The following ITGA10 variants were observed in gnomAD, a reference collection of about 807,000 sequenced individuals.
ITGA10 encodes integrin alpha-10.
ITGA10 carries 105 observed loss-of-function variants against 145.2 expected under a neutral mutation model. The ratio of observed to expected loss-of-function variants is 0.72; its 90% confidence interval spans 0.62 to 0.85. The LOEUF (loss-of-function observed/expected upper bound fraction) is 0.85, where lower values mean the gene tolerates loss of function less well. Ranked by LOEUF, ITGA10 falls within the 40% of genes least tolerant of loss-of-function variation. ITGA10 has a pLI of 0.00. For synonymous variants in ITGA10, 506 were observed against 557.8 expected, an observed-to-expected ratio of 0.91 and a Z score of 1.31; for missense variants, 1,317 against 1,444.5, an observed-to-expected ratio of 0.91 and a Z score of 1.43.
chr1:145,904,557 T>TA, intron 6 of ITGA10, 127 bp downstream of exon 6: 1 of 996,774 alleles, frequency 1.0e-6, no homozygotes, highest in East Asian at 2.4e-5. Context: ...TTCATATTTT[T>TA]AGAGATGAGG....
chr1:145,892,231 T>A lies in ITGA10; in HGVS notation c.*567A>T, dbSNP rs1326016200. On this transcript the variant is annotated 3_prime_UTR_variant, in exon 30 of 30. Coordinates refer to ENST00000369304, the MANE Select transcript of ITGA10 (RefSeq NM_003637.5). The stretch of plus-strand genomic sequence containing the variant: ...GTTCCTTGGAATTGTACAGAATGTC[T>A]CTTGTGGCTTTTCCTCCTCCCTCCT... The A allele has an allele frequency of 6.5e-6, 1 of 153,394 alleles. No individual in the cohort carries two copies. The highest frequency in any genetic ancestry group is 6.5e-5 in the Admixed American group (1 of 15,344). 9.5% of individuals were successfully genotyped at this position (153,394 alleles called of 1,614,324 possible). A position where few individuals can be genotyped will look rare whatever the true frequency, so the allele number is the denominator to read the frequency against.
At chr1:145,897,748 C>T in intron 19 of ITGA10, 67 bp downstream of exon 19, 1 of 1,610,572 alleles carries the variant, frequency 6.2e-7, no homozygotes, top group South Asian at 1.1e-5. Flanking sequence ...AACCCCCTAC[C>T]CGCCCTTCGA....
chr1:145,905,283 C>T (rs1311518849), intron 5 of ITGA10, among the ~76,000 whole-genome samples: 1 of 146,268 alleles, frequency 6.8e-6, no homozygotes, highest in Admixed American at 6.6e-5. Flanking sequence ...GGGTAGAGAA[C>T]ATTTTTTTTT....
At chr1:145,898,566 C>T (rs1356462347) in intron 17 of ITGA10, among the ~76,000 whole-genome samples, 1 of 151,966 alleles carries the variant, frequency 6.6e-6, no homozygotes, top group Non-Finnish European at 1.5e-5. Context: ...GATGGGGTTT[C>T]ACCATGTTAG....
rs1206682351 is a variant in ITGA10 at position 145,895,320 on chromosome 1, A to G, written c.3188T>C (p.Val1063Ala). The G allele has an allele frequency of 2.5e-6, 4 of 1,614,022 alleles. No individual in the cohort carries two copies. The highest frequency in any genetic ancestry group is 2.2e-5 in the East Asian group (1 of 44,894). Residue 1063 changes from valine (V) to alanine (A), a missense_variant, in exon 27 of 30, where the codon GTT (valine) becomes GCT (alanine). By Grantham distance (64) the Val-to-Ala change is moderately conservative. Coordinates refer to ENST00000369304, the MANE Select transcript of ITGA10 (RefSeq NM_003637.5). ...ATTGTGAACCAGCCTCAATAGTCCA[A>G]CAGAGACCTCAGTCCCCTTTGCCAG... Reference protein sequence around the residue: ...GQLAKGTEVSVGLLRLVHNEF... With the variant: ...GQLAKGTEVSAGLLRLVHNEF...
In ITGA10 at chr1:145,904,754, G is replaced by A; in HGVS notation, c.539C>T (p.Pro180Leu). Residue 180 changes from proline to leucine, a missense_variant, in exon 6 of 30, where the codon CCC becomes CTC. Physicochemically the swap from Pro to Leu is moderately conservative, Grantham distance 98 (BLOSUM62 -3). Coordinates refer to ENST00000369304, the MANE Select transcript of ITGA10 (RefSeq NM_003637.5). The stretch of plus-strand genomic sequence containing the variant: ...TAGGAAGGTCTGAACTTCAGACCAG[G>A]GGTAGATGCTGTTGGAGCCATCCAA... Reference protein sequence around the residue: ...IVLDGSNSIYPWSEVQTFLRR... With the variant: ...IVLDGSNSIYLWSEVQTFLRR... 2.5e-6 allele frequency: 4 copies of A among 1,613,836 alleles called. No individual in the cohort carries two copies. The highest frequency in any genetic ancestry group is 3.4e-6 in the Non-Finnish European group (4 of 1,179,800).
chr1:145,897,144 G>A, intron 21 of ITGA10, 57 bp from the exon 22 acceptor site: 1 of 1,569,274 alleles, frequency 6.4e-7, no homozygotes, highest in Non-Finnish European at 8.8e-7. Flanking sequence ...CAACTACAGA[G>A]GAACAGGAGC....
In ITGA10 at chr1:145,902,215, G is replaced by A. The variant is rs781807590; in HGVS notation, c.1149+31C>T. The A allele has an allele frequency of 1.5e-5, 24 of 1,607,216 alleles. No homozygotes were observed. The Admixed American group carries it at 4.0e-4, about 27-fold the overall frequency. On this transcript the variant is annotated intron_variant, in intron 10 of 29. Transcript: ENST00000369304. ...TGAAGTTATCTGAGTCAGAGAATGG[G>A]AGAAGTAATGAAGGGGTCAATCTGT...
At chr1:145,905,251 G>C (rs1347967765) in intron 5 of ITGA10, among the ~76,000 whole-genome samples, 1 of 151,920 alleles carries the variant, frequency 6.6e-6, no homozygotes, top group Non-Finnish European at 1.5e-5. Flanking sequence ...TTAAGGAGAA[G>C]AGAATATTAG....
chr1:145,897,991 A>C, intron 18 of ITGA10, 91 bp from the exon 19 acceptor site: 1 of 1,328,004 alleles, frequency 7.5e-7, no homozygotes, highest in South Asian at 1.2e-5. Context: ...AAGTGGGTAT[A>C]TTTTGATTAG....
intron 6 of ITGA10, among the ~76,000 whole-genome samples, chr1:145,904,427 T>G (rs1436397117): frequency 2.6e-5 from 4 of 152,074 alleles, no homozygotes; most frequent in Non-Finnish European, 5.9e-5. Context: ...TGGAGTGCAG[T>G]TGTGTGATCA....
At chr1:145,898,276 G>T in intron 17 of ITGA10, 53 bp from the exon 18 acceptor site, 2 of 1,152,558 alleles carry the variant, frequency 1.7e-6, no homozygotes, top group Non-Finnish European at 2.6e-6. Context: ...TGTGATAATT[G>T]TAGTGATCAT....
intron 27 of ITGA10, among the ~76,000 whole-genome samples, chr1:145,894,204 C>T (rs143504350): frequency 3.0e-4 from 45 of 150,500 alleles, no homozygotes; most frequent in African/African-American, 1.1e-3. Context: ...CTCCATCTCT[C>T]GGGTTAATGC....
At chr1:145,894,644 A>G (rs1021191317) in intron 27 of ITGA10, among the ~76,000 whole-genome samples, 1 of 152,156 alleles carries the variant, frequency 6.6e-6, no homozygotes, top group Non-Finnish European at 1.5e-5. Context: ...GCCCAGGAGG[A>G]ACTCACACTG....
At position 145,895,641 on chromosome 1, in the gene ITGA10, G is replaced by A. The variant is rs782529942; in HGVS notation, c.3104C>T (p.Thr1035Ile). Residue 1035 changes from threonine to isoleucine, a missense_variant, in exon 26 of 30, where the codon ACA becomes ATA. Thr to Ile is a moderately conservative substitution (Grantham distance 89). Transcript: ENST00000369304. The part of the protein sequence containing the change: ...PPVHPEELQH[T>I]NRLNGSNTQC... ...CTTTGTGACTCATACCAGTCTGTTT[G>A]TGTGTTGAAGCTCCTCTGGATGCAC... is the stretch of plus-strand genomic sequence containing the variant. 1.2e-6 allele frequency: 2 copies of A among 1,614,158 alleles called. No individual in the cohort carries two copies. Among genetic ancestry groups the A allele is most frequent in the African/African-American group, 1.3e-5 (1 of 75,060 alleles).
chr1:145,898,847 C>CTTGCTGAT, intron 17 of ITGA10, 89 bp downstream of exon 17: 1 of 1,474,860 alleles, frequency 6.8e-7, no homozygotes, highest in Non-Finnish European at 9.2e-7. Flanking sequence ...CTTTGGCTTT[C>CTTGCTGAT]TTGCTGATTC....
At chr1:145,896,895 C>T in intron 22 of ITGA10, 37 bp from the exon 23 acceptor site, 1 of 1,569,704 alleles carries the variant, frequency 6.4e-7, no homozygotes, top group South Asian at 1.1e-5. Flanking sequence ...CATCTCAACC[C>T]CTCCTCAGAA....
Position 145,892,698 on chromosome 1 carries a change from G to C in ITGA10, c.*100C>G. 1 of 855,398 alleles carries C rather than the reference G, an allele frequency of 1.2e-6. No individual in the cohort carries two copies. Among genetic ancestry groups the C allele is most frequent in the East Asian group, 2.4e-5 (1 of 41,244 alleles). The allele number at this position is 855,398 out of a possible 1,614,324, so 53.0% of individuals were successfully genotyped here. A position where few individuals can be genotyped will look rare whatever the true frequency, so the allele number is the denominator to read the frequency against. ...GCTGCTGGTCTGGGGAGATAGTCCA[G>C]AGGCGGCTTCTTGTCCCATCTGAGC... On this transcript the variant is annotated 3_prime_UTR_variant, in exon 30 of 30. Coordinates refer to ENST00000369304, the MANE Select transcript of ITGA10 (RefSeq NM_003637.5).
rs200376828 is a variant in ITGA10 at position 145,899,345 on chromosome 1, G to C, written c.1923-4C>G. 2.1e-5 allele frequency: 34 copies of C among 1,612,674 alleles called. No individual in the cohort carries two copies. Among genetic ancestry groups the C allele is most frequent in the Non-Finnish European group, 2.0e-5 (24 of 1,179,074 alleles). ...CAGATGGACAATGGGCCGGGAGCTGGGAACAGTGTGGAAAAGAAATTCTAG... is the reference window on the plus strand; with the variant it reads ...CAGATGGACAATGGGCCGGGAGCTGCGAACAGTGTGGAAAAGAAATTCTAG... On this transcript the variant is annotated splice_region_variant and splice_polypyrimidine_tract_variant and intron_variant, in intron 15 of 29. Coordinates refer to ENST00000369304, the MANE Select transcript of ITGA10 (RefSeq NM_003637.5).
Sources: allele counts gnomAD v4.1 joint callset (sites outside exome capture counted in the v4.1 genomes callset), GRCh38; gene constraint gnomAD v4.1.1; transcripts MANE v1.5; gene names NCBI Gene and HGNC (gene_info 2026-07-23, HGNC 2026-07-21).